Variants in CEP162 observed in about 807,000 individuals in gnomAD.
CEP162 encodes the protein centrosomal protein 162.
CEP162 carries 141 observed loss-of-function variants against 169.2 expected under a neutral mutation model. The ratio of observed to expected loss-of-function variants is 0.83; its 90% CI spans 0.73 to 0.96. The LOEUF (loss-of-function observed/expected upper bound fraction) is 0.96. Ranked by LOEUF, CEP162 falls within the 40% of genes least tolerant of loss-of-function variation. The pLI is 0.00. For synonymous variants in CEP162, 540 were observed against 526.4 expected (o/e 1.03, Z -0.35); for missense variants, 1,600 against 1,587.2 (o/e 1.01, Z -0.14).
At chr6:84,212,701 T>A (rs926543223) in intron 6 of CEP162, among the ~76,000 whole-genome samples, 1 of 151,888 alleles carries the variant, frequency 6.6e-6, no homozygotes, top group African/African-American at 2.4e-5. Flanking sequence ...TAAAAACACA[T>A]CAATTAAAAG....
At chr6:84,200,125 C>T (rs561284408) in intron 9 of CEP162, among the ~76,000 whole-genome samples, 15 of 152,156 alleles carry the variant, frequency 9.9e-5, no homozygotes, top group South Asian at 4.1e-4. Context: ...TGGTGGCAAG[C>T]GCCTGTAGTC....
chr6:84,127,233 T>C (rs1222171870), intron 25 of CEP162, among the ~76,000 whole-genome samples: 8 of 152,144 alleles, frequency 5.3e-5, no homozygotes, highest in African/African-American at 1.9e-4. Flanking sequence ...GCTAATTGTT[T>C]ACATCAAAAG....
chr6:84,194,547 G>A (rs572005433), intron 10 of CEP162, among the ~76,000 whole-genome samples: 6 of 150,798 alleles, frequency 4.0e-5, no homozygotes, highest in South Asian at 4.2e-4. Flanking sequence ...TTCGTCTCCC[G>A]TGTTCAAGTG....
intron 6 of CEP162, among the ~76,000 whole-genome samples, chr6:84,209,629 C>T (rs1006006903): frequency 2.6e-5 from 4 of 152,154 alleles, no homozygotes; most frequent in African/African-American, 9.7e-5. Flanking sequence ...CCCGCCTTGG[C>T]CTCACAAAGT....
chr6:84,162,001 CATCT>C, intron 19 of CEP162, 92 bp from the exon 20 acceptor site: 1 of 744,218 alleles, frequency 1.3e-6, no homozygotes, highest in East Asian at 2.7e-5. Context: ...AACCAATGCC[CATCT>C]AATGACAGCA....
At chr6:84,136,945 A>G (rs1251027242) in intron 25 of CEP162, among the ~76,000 whole-genome samples, 1 of 152,206 alleles carries the variant, frequency 6.6e-6, no homozygotes, top group African/African-American at 2.4e-5. Flanking sequence ...ATGAACTGAA[A>G]TACTTCATAG....
At chr6:84,189,292 C>T (rs1042923084) in intron 11 of CEP162, among the ~76,000 whole-genome samples, 5 of 152,208 alleles carry the variant, frequency 3.3e-5, no homozygotes, top group Non-Finnish European at 5.9e-5. Flanking sequence ...CTTCAGCCCC[C>T]CACTGCACTG....
At position 84,194,934 on chromosome 6, in the gene CEP162, T is replaced by G. The variant is rs758344244; in HGVS notation, c.977A>C (p.His326Pro). Reference sequence around the variant, plus strand: ...TGAATTCTCTTCATTTTCTTGAGGATGACCTTTCACTGAGCTCTTGATATC... The same window carrying G: ...TGAATTCTCTTCATTTTCTTGAGGAGGACCTTTCACTGAGCTCTTGATATC... ...VEDIKSSVKGHPQENEENSKN... is the reference protein window; with the variant it reads ...VEDIKSSVKGPPQENEENSKN... Residue 326 changes from histidine to proline, a missense_variant, in exon 10 of 27, where the codon CAT becomes CCT. Physicochemically the swap from His to Pro is moderately conservative, Grantham distance 77. Coordinates refer to ENST00000403245, the MANE Select transcript of CEP162 (RefSeq NM_014895.4). The G allele has an allele frequency of 6.2e-7, 1 of 1,612,920 alleles. No individual in the cohort carries two copies. Among genetic ancestry groups the G allele is most frequent in the Non-Finnish European group, 8.5e-7 (1 of 1,179,636 alleles).
intron 25 of CEP162, among the ~76,000 whole-genome samples, chr6:84,136,200 T>C (rs529422521): frequency 5.3e-5 from 8 of 152,338 alleles, no homozygotes; most frequent in African/African-American, 1.9e-4. Flanking sequence ...GTTATAGCTG[T>C]CCAGTTTTTC....
rs529174112 is a variant in CEP162 at position 84,130,071 on chromosome 6, C to T, written c.3871-3559G>A. On this transcript the variant is annotated intron_variant, in intron 25 of 26. Coordinates refer to ENST00000403245, the MANE Select transcript of CEP162 (RefSeq NM_014895.4). ...GTTTGTTGAGAGTTTTTAGCATGAA[C>T]GGCTGTTGAATTTTGTCGAAGGCCT... Among the ~76,000 whole-genome samples the T allele has an allele frequency of 2.5e-4, 38 of 152,148 alleles. 1 individual carries two copies. The South Asian group carries it at 6.0e-3, about 24-fold the overall frequency.
intron 13 of CEP162, among the ~76,000 whole-genome samples, chr6:84,178,678 T>C (rs150139555): frequency 4.6e-5 from 7 of 152,134 alleles, no homozygotes; most frequent in Non-Finnish European, 7.4e-5. Flanking sequence ...TTAAATTTTT[T>C]ATTTAAGTTC....
intron 4 of CEP162, 83 bp downstream of exon 4, chr6:84,215,693 G>A: frequency 1.3e-6 from 2 of 1,481,640 alleles, no homozygotes; most frequent in Non-Finnish European, 1.8e-6. Context: ...TTCAGTAAAG[G>A]AGGCTTCAAG....
intron 9 of CEP162, 63 bp downstream of exon 9, chr6:84,200,726 T>C (rs528977342): frequency 1.7e-4 from 124 of 724,900 alleles, no homozygotes; most frequent in Non-Finnish European, 2.8e-4. Flanking sequence ...CTTAGAAATG[T>C]AGTCATATTA....
At chr6:84,208,991 T>A (rs1459640912) in intron 6 of CEP162, among the ~76,000 whole-genome samples, 1 of 152,208 alleles carries the variant, frequency 6.6e-6, no homozygotes, top group Non-Finnish European at 1.5e-5. Context: ...TGGGAGAATA[T>A]GACACTGAAC....
intron 25 of CEP162, among the ~76,000 whole-genome samples, chr6:84,129,896 T>C (rs931103587): frequency 2.6e-5 from 4 of 152,126 alleles, no homozygotes; most frequent in African/African-American, 9.7e-5. Flanking sequence ...CATTACTAAG[T>C]TGAATTGAAT....
intron 17 of CEP162, among the ~76,000 whole-genome samples, chr6:84,170,478 C>A (rs1408560849): frequency 6.9e-6 from 1 of 145,826 alleles, no homozygotes; most frequent in African/African-American, 2.6e-5. Flanking sequence ...TACCAACTTA[C>A]AAGGAGAAAG....
In CEP162 at chr6:84,193,704, A is replaced by G. The variant is rs751794476; in HGVS notation, c.1028-14T>C. The stretch of plus-strand genomic sequence containing the variant: ...CTGTGGGCAGATCTAAGAGGTGGAA[A>G]AAAAAGTAGAAACGAAAAATGTTAT... On this transcript the variant is annotated splice_polypyrimidine_tract_variant and intron_variant, in intron 10 of 26. Coordinates refer to ENST00000403245, the MANE Select transcript of CEP162 (RefSeq NM_014895.4). 2 of 1,509,506 alleles carry G rather than the reference A, an allele frequency of 1.3e-6. No homozygotes were observed. Among genetic ancestry groups the G allele is most frequent in the Non-Finnish European group, 1.8e-6 (2 of 1,119,792 alleles). The allele number at this position is 1,509,506 out of a possible 1,614,324, so 93.5% of individuals were successfully genotyped here. A position where few individuals can be genotyped will look rare whatever the true frequency, so the allele number is the denominator to read the frequency against.
chr6:84,224,856 T>C (rs994816659), intron 2 of CEP162, among the ~76,000 whole-genome samples: 1 of 152,208 alleles, frequency 6.6e-6, no homozygotes, highest in Non-Finnish European at 1.5e-5. Context: ...TCTTTTACAA[T>C]AAAAATCATT....
intron 25 of CEP162, among the ~76,000 whole-genome samples, chr6:84,140,935 A>AG (rs1271100488): frequency 2.6e-5 from 4 of 152,082 alleles, no homozygotes; most frequent in Admixed American, 2.6e-4. Flanking sequence ...GGAAAGAGGG[A>AG]GGATGGTTTT....
Sources: allele counts gnomAD v4.1 joint callset (sites outside exome capture counted in the v4.1 genomes callset), GRCh38; gene constraint gnomAD v4.1.1; transcripts MANE v1.5; gene names NCBI Gene and HGNC (gene_info 2026-07-23, HGNC 2026-07-21).